FAT3: variants seen among roughly 807,000 people sequenced by gnomAD.
The protein encoded by FAT3 is FAT atypical cadherin 3.
In FAT3, 95 loss-of-function variants were observed where a neutral mutation model predicts 310.2. That is an observed-to-expected ratio of 0.31 (90% CI 0.26 to 0.36). The LOEUF (loss-of-function observed/expected upper bound fraction) is 0.36. Among genes scored for constraint, FAT3 ranks in the 10% least tolerant of loss-of-function variants. The pLI is 1.00. For missense variants in FAT3, 5,408 were observed against 5,715.6 expected (o/e 0.95, Z 1.74); for synonymous variants, 2,314 against 2,192.9 (o/e 1.06, Z -1.54).
intron 24 of FAT3, among the ~76,000 whole-genome samples, chr11:92,884,751 C>G (rs998866002): frequency 5.3e-5 from 8 of 152,262 alleles, no homozygotes; most frequent in Admixed American, 3.3e-4. Context: ...TAAAGGGTTA[C>G]CCGAGAGATG....
In FAT3 at chr11:92,883,304, G is replaced by T; in HGVS notation, c.12848G>T (p.Cys4283Phe). The change falls in exon 24 of 28, where the codon TGC becomes TTC. Residue 4283 changes from cysteine to phenylalanine, a missense_variant. Coordinates refer to ENST00000525166, the MANE Select transcript of FAT3 (RefSeq NM_001367949.2). The surrounding 1 kb of genome is among the most constrained non-coding windows in gnomAD (Gnocchi z 4.2). ...ILTARRGVVVCSVAPNLPAVS... is the reference protein window; with the variant it reads ...ILTARRGVVVFSVAPNLPAVS... ...ACAGCCCGGCGGGGCGTGGTCGTGT[G>T]CAGTGTGGCCCCCAACCTCCCCGCC... 1.2e-6 allele frequency: 2 copies of T among 1,612,448 alleles called. No individual in the cohort carries two copies. Among genetic ancestry groups the T allele is most frequent in the Non-Finnish European group, 1.7e-6 (2 of 1,179,816 alleles).
chr11:92,818,356 G>A (rs539540583), intron 13 of FAT3, among the ~76,000 whole-genome samples: 19 of 152,226 alleles, frequency 1.2e-4, no homozygotes, highest in African/African-American at 4.3e-4. Flanking sequence ...TTTTTCACTG[G>A]CATCAGTATG....
chr11:92,505,785 A>T (rs973558405), intron 2 of FAT3, among the ~76,000 whole-genome samples: 1 of 152,158 alleles, frequency 6.6e-6, no homozygotes, highest in Non-Finnish European at 1.5e-5. Context: ...CACAGTCAGG[A>T]GTCAAAGCCC....
At chr11:92,421,495 G>A (rs949080562) in intron 2 of FAT3, among the ~76,000 whole-genome samples, 2 of 152,078 alleles carry the variant, frequency 1.3e-5, no homozygotes, top group African/African-American at 2.4e-5. Context: ...GCTTCCCCCT[G>A]TTTTATTGGC....
chr11:92,403,751 T>G (rs553064659), intron 2 of FAT3, among the ~76,000 whole-genome samples: 1 of 152,150 alleles, frequency 6.6e-6, no homozygotes, highest in African/African-American at 2.4e-5. Flanking sequence ...AAAACAAGTA[T>G]GGGGGCCGGG....
chr11:92,814,592 A>C (rs59004341), intron 13 of FAT3, among the ~76,000 whole-genome samples: 2,382 of 152,290 alleles, frequency 0.016, 71 homozygotes, highest in African/African-American at 0.052. Context: ...AACATTTATA[A>C]AAAAAGGGAA....
At chr11:92,473,977 G>A (rs1951978479) in intron 2 of FAT3, among the ~76,000 whole-genome samples, 1 of 152,154 alleles carries the variant, frequency 6.6e-6, no homozygotes, top group African/African-American at 2.4e-5. Flanking sequence ...CCTTCCTATG[G>A]AGCTGAGAAT....
chr11:92,865,438 C>T (rs1949218129), intron 21 of FAT3, among the ~76,000 whole-genome samples: 1 of 152,110 alleles, frequency 6.6e-6, no homozygotes, highest in Non-Finnish European at 1.5e-5. Flanking sequence ...CTTTCCTTTT[C>T]TTTTTCTTTT....
intron 1 of FAT3, among the ~76,000 whole-genome samples, chr11:92,316,388 A>C (rs1947461822): frequency 6.6e-6 from 1 of 152,140 alleles, no homozygotes; most frequent in Admixed American, 6.5e-5. Context: ...ATATATACAA[A>C]ATGCATATTT....
intron 1 of FAT3, among the ~76,000 whole-genome samples, chr11:92,250,031 T>G (rs1865075087): frequency 6.6e-6 from 1 of 152,098 alleles, no homozygotes; most frequent in African/African-American, 2.4e-5. Context: ...CTCTTAAAAT[T>G]TTCTGGTTGT....
chr11:92,385,598 C>G (rs771831535), intron 2 of FAT3, among the ~76,000 whole-genome samples: 13 of 151,820 alleles, frequency 8.6e-5, no homozygotes, highest in Non-Finnish European at 1.5e-4. Context: ...GAACTCCTGG[C>G]CTGAGGTGAT....
At chr11:92,767,452 C>G (rs1234406391) in intron 6 of FAT3, among the ~76,000 whole-genome samples, 2 of 152,074 alleles carry the variant, frequency 1.3e-5, no homozygotes, top group Non-Finnish European at 2.9e-5. Flanking sequence ...GATCCATGCA[C>G]TCAACCTGCT....
intron 2 of FAT3, among the ~76,000 whole-genome samples, chr11:92,399,257 G>T (rs1949955454): frequency 6.6e-6 from 1 of 152,108 alleles, no homozygotes; most frequent in Admixed American, 6.6e-5. Flanking sequence ...CATGTTTCTT[G>T]CATAAAGCCC....
At chr11:92,523,873 T>C (rs1953764817) in intron 2 of FAT3, among the ~76,000 whole-genome samples, 1 of 152,174 alleles carries the variant, frequency 6.6e-6, no homozygotes, top group African/African-American at 2.4e-5. Context: ...GGTTGGCACT[T>C]GTTTCAACCA....
At chr11:92,240,576 C>A (rs3888982) in intron 1 of FAT3, among the ~76,000 whole-genome samples, 45,810 of 140,612 alleles carry the variant, frequency 0.33, 7,946 homozygotes, top group Admixed American at 0.44. Flanking sequence ...GAAACCCCCC[C>A]AAAAAAAAAA....
chr11:92,280,184 A>C (rs950039848), intron 1 of FAT3, among the ~76,000 whole-genome samples: 3 of 152,170 alleles, frequency 2.0e-5, no homozygotes, highest in Non-Finnish European at 2.9e-5. Flanking sequence ...AGAACGATCG[A>C]AGACATGAGC....
intron 1 of FAT3, among the ~76,000 whole-genome samples, chr11:92,298,947 A>C (rs959189178): frequency 1.3e-5 from 2 of 151,946 alleles, no homozygotes; most frequent in Non-Finnish European, 2.9e-5. Flanking sequence ...ACACTTATCT[A>C]ATCTGAGTGC....
At chr11:92,412,740 T>TATAAAA (rs1555038610) in intron 2 of FAT3, among the ~76,000 whole-genome samples, 3 of 76,384 alleles carry the variant, frequency 3.9e-5, no homozygotes, top group African/African-American at 2.8e-4. Context: ...TATATATATA[T>TATAAAA]ATATAAATAT....
At chr11:92,519,332 A>G (rs1243638982) in intron 2 of FAT3, among the ~76,000 whole-genome samples, 1 of 152,108 alleles carries the variant, frequency 6.6e-6, no homozygotes, top group Non-Finnish European at 1.5e-5. Context: ...AACAATGAAC[A>G]TCTACATACA....
Sources: allele counts gnomAD v4.1 joint callset (sites outside exome capture counted in the v4.1 genomes callset), GRCh38; gene constraint gnomAD v4.1.1; non-coding constraint Gnocchi (gnomAD v3.1); transcripts MANE v1.5; gene names NCBI Gene and HGNC (gene_info 2026-07-23, HGNC 2026-07-21).